The following TREH variants were observed in gnomAD, a reference collection of about 807,000 sequenced individuals.
TREH encodes the protein trehalase, also known as alpha,alpha-trehalose glucohydrolase.
A neutral mutation model predicts 80.5 loss-of-function variants in TREH; 69 were observed. That is an observed-to-expected ratio of 0.86 (90% confidence interval 0.71 to 1.05). The LOEUF is 1.05. TREH is among the 50% of genes least tolerant of loss of function. The probability of loss-of-function intolerance (pLI) is 0.00; values close to 1 mark genes in which losing one functional copy is unlikely to be tolerated. For missense variants in TREH, 716 were observed against 718.8 expected, an observed-to-expected ratio of 1.00 and a Z score of 0.04; for synonymous variants, 309 against 293.5, an observed-to-expected ratio of 1.05 and a Z score of -0.54.
At chr11:118,679,505 C>T in intron 1 of TREH, 34 bp downstream of exon 1, 2 of 1,461,362 alleles carry the variant, frequency 1.4e-6, no homozygotes, top group Non-Finnish European at 9.1e-7. Flanking sequence ...CCTCTTATTG[C>T]CATCCTCCCC....
At position 118,658,100 on chromosome 11, in the gene TREH, T is replaced by C. The variant is rs1159481898; in HGVS notation, c.*189A>G. The C allele has an allele frequency of 1.3e-6, 1 of 775,588 alleles. No homozygotes were observed. The highest frequency in any genetic ancestry group is 2.0e-6 in the Non-Finnish European group (1 of 496,074). 48.0% of individuals were successfully genotyped at this position (775,588 alleles called of 1,614,324 possible). A position where few individuals can be genotyped will look rare whatever the true frequency, so the allele number is the denominator to read the frequency against. Reference sequence around the variant, plus strand: ...TAGGTCTTCCCTCCAGAGCAGGATTTCCACCCTATTCAAGGTTCCAGGAGG... The same window carrying C: ...TAGGTCTTCCCTCCAGAGCAGGATTCCCACCCTATTCAAGGTTCCAGGAGG... On this transcript the variant is annotated 3_prime_UTR_variant, in exon 15 of 15. Coordinates refer to ENST00000264029, the MANE Select transcript of TREH (RefSeq NM_007180.3).
intron 1 of TREH, among the ~76,000 whole-genome samples, chr11:118,673,703 C>A (rs2137285294): frequency 6.6e-6 from 1 of 152,316 alleles, no homozygotes; most frequent in African/African-American, 2.4e-5. Context: ...GTTGTGATTT[C>A]CATATAGACA....
At chr11:118,659,067 C>A in intron 12 of TREH, 50 bp from the exon 13 acceptor site, 1 of 1,564,188 alleles carries the variant, frequency 6.4e-7, no homozygotes, top group Non-Finnish European at 8.8e-7. Context: ...CCATCCCAGA[C>A]AGAGCAGTGG....
chr11:118,660,865 CCTT>C lies in TREH; in HGVS notation c.905_907del (p.Glu302del), dbSNP rs1555144817. 1.3e-6 allele frequency: 2 copies of C among 1,567,094 alleles called. No individual in the cohort carries two copies. Among genetic ancestry groups the C allele is most frequent in the East Asian group, 4.7e-5 (2 of 42,238 alleles). On this transcript the variant is annotated inframe_deletion and splice_region_variant, in exon 9 of 15. Transcript: ENST00000264029. ...CCCTCCCTCACCCTCCTGCTGCTCA[CCTT>C]CTGGCAAGGTGTCAGCCAACTCCAC...
At chr11:118,665,101 CTG>C (rs1455719039) in intron 1 of TREH, among the ~76,000 whole-genome samples, 1 of 150,354 alleles carries the variant, frequency 6.7e-6, no homozygotes, top group Admixed American at 6.6e-5. Flanking sequence ...AAAAGCAAGA[CTG>C]TGTCTTTAAA....
Position 118,661,595 on chromosome 11 carries a change from C to T in TREH, c.617+42G>A, listed in dbSNP as rs1555144989. 1.2e-6 allele frequency: 2 copies of T among 1,613,682 alleles called. No homozygotes were observed. Among genetic ancestry groups the T allele is most frequent in the Admixed American group, 1.7e-5 (1 of 60,022 alleles). On this transcript the variant is annotated intron_variant, in intron 6 of 14. Coordinates refer to ENST00000264029, the MANE Select transcript of TREH (RefSeq NM_007180.3). The surrounding 1 kb of genome is among the most constrained non-coding windows in gnomAD (Gnocchi z 4.2). Reference sequence around the variant, plus strand: ...AGCTGCATGCCCGTGGCACACCTGCCTCTCCTCCCCACCTAGGCTGGAGGT... The same window carrying T: ...AGCTGCATGCCCGTGGCACACCTGCTTCTCCTCCCCACCTAGGCTGGAGGT...
At chr11:118,676,538 T>C (rs1221740535) in intron 1 of TREH, among the ~76,000 whole-genome samples, 1 of 143,032 alleles carries the variant, frequency 7.0e-6, no homozygotes, top group African/African-American at 2.6e-5. Context: ...GAGGCCAAGG[T>C]GGGTGGATTG....
Position 118,661,773 on chromosome 11 carries a change from G to C in TREH, c.525-44C>G, listed in dbSNP as rs373404141. 2.6e-4 allele frequency: 418 copies of C among 1,609,482 alleles called. No homozygotes were observed. The highest frequency in any genetic ancestry group is 1.7e-3 in the Middle Eastern group (10 of 6,046). On this transcript the variant is annotated intron_variant, in intron 5 of 14. Transcript: ENST00000264029. This position sits in a 1 kb window ranked among gnomAD's most constrained non-coding sequence, Gnocchi z 4.2. Reference sequence around the variant, plus strand: ...AGGCACCACCCTGCTGCCTCCCTCTGCCCTGCACACCAGCCAGTGGGGCAC... The same window carrying C: ...AGGCACCACCCTGCTGCCTCCCTCTCCCCTGCACACCAGCCAGTGGGGCAC...
intron 1 of TREH, among the ~76,000 whole-genome samples, chr11:118,678,795 C>T (rs1838932002): frequency 6.6e-6 from 1 of 151,928 alleles, no homozygotes; most frequent in Non-Finnish European, 1.5e-5. Flanking sequence ...TCACTCATCT[C>T]TGTCCCTGGT....
chr11:118,666,571 CAG>C (rs1281475392), intron 1 of TREH, among the ~76,000 whole-genome samples: 5 of 152,192 alleles, frequency 3.3e-5, no homozygotes, highest in African/African-American at 1.2e-4. Flanking sequence ...AGCAATGCGC[CAG>C]AGACTTTTGA....
rs1949265592 is a variant in TREH at position 118,658,912 on chromosome 11, T to C, written c.1538A>G (p.Tyr513Cys). Residue 513 changes from tyrosine to cysteine, a missense_variant, in exon 13 of 15, where the codon TAT becomes TGT. Coordinates refer to ENST00000264029, the MANE Select transcript of TREH (RefSeq NM_007180.3). ...FDVYSQKSAM[Y>C]EKYDVSNGGQ... is the part of the protein sequence containing the mutation. ...GGGCTTGGGCCAGCTCACCTTCTCATACATGGCTGACTTCTGCGAGTAGAC... is the reference window on the plus strand; with the variant it reads ...GGGCTTGGGCCAGCTCACCTTCTCACACATGGCTGACTTCTGCGAGTAGAC... 3.1e-6 allele frequency: 5 copies of C among 1,613,816 alleles called. No individual in the cohort carries two copies. Among genetic ancestry groups the C allele is most frequent in the South Asian group, 1.1e-5 (1 of 91,088 alleles).
chr11:118,659,893 A>C lies in TREH; in HGVS notation c.1174T>G (p.Trp392Gly). 3.2e-6 allele frequency: 5 copies of C among 1,551,704 alleles called. No homozygotes were observed. Among genetic ancestry groups the C allele is most frequent in the East Asian group, 2.4e-5 (1 of 40,922 alleles). ...AACCAGGCTCCGGTCTGCTCATCCCACAGGACTGTGTTCAGGGCGGCCAAG... is the reference window on the plus strand; with the variant it reads ...AACCAGGCTCCGGTCTGCTCATCCCCCAGGACTGTGTTCAGGGCGGCCAAG... ...QRLAALNTVL[W>G]DEQTGAWFDY... The change falls in exon 11 of 15, where the codon TGG becomes GGG. Residue 392 changes from tryptophan to glycine, a missense_variant. Trp to Gly is a radical substitution (Grantham distance 184). Coordinates refer to ENST00000264029, the MANE Select transcript of TREH (RefSeq NM_007180.3).
Position 118,659,898 on chromosome 11 carries a change from AC to A in TREH, c.1168del (p.Val390SerfsTer47). ...RSQRLAALNT[V>X]LWDEQTGAWF... Reference sequence around the variant, plus strand: ...GGCTCCGGTCTGCTCATCCCACAGGACTGTGTTCAGGGCGGCCAAGCGCTGC... The same window carrying A: ...GGCTCCGGTCTGCTCATCCCACAGGATGTGTTCAGGGCGGCCAAGCGCTGC... On this transcript the variant is annotated frameshift_variant, in exon 11 of 15. Transcript: ENST00000264029. LOFTEE classifies it high-confidence loss of function. The A allele has an allele frequency of 6.4e-7, 1 of 1,551,734 alleles. No individual in the cohort carries two copies. Among genetic ancestry groups the A allele is most frequent in the South Asian group, 1.2e-5 (1 of 84,074 alleles).
intron 4 of TREH, chr11:118,662,667 C>T: frequency 1.7e-6 from 1 of 573,568 alleles, no homozygotes; most frequent in Admixed American, 3.2e-5. Context: ...GGCTAGGGAG[C>T]CTTCCTGGAG....
intron 1 of TREH, among the ~76,000 whole-genome samples, chr11:118,664,743 A>C (rs949579026): frequency 6.6e-6 from 1 of 152,156 alleles, no homozygotes; most frequent in Non-Finnish European, 1.5e-5. Flanking sequence ...TGGAAAAGAG[A>C]GTCGAAACAT....
In TREH at chr11:118,657,539, C is replaced by G. The variant is rs1196274679; in HGVS notation, c.*750G>C. 1 of 152,826 alleles carries G rather than the reference C, an allele frequency of 6.5e-6. No homozygotes were observed. Among genetic ancestry groups the G allele is most frequent in the African/African-American group, 2.4e-5 (1 of 41,438 alleles). The allele number at this position is 152,826 out of a possible 1,614,324, so 9.5% of individuals were successfully genotyped here. A position where few individuals can be genotyped will look rare whatever the true frequency, so the allele number is the denominator to read the frequency against. ...GGGACTGAATACCTTTTTCCTTCCC[C>G]CTGCCTGTGTCTTCAGCCCTGATGC... is the stretch of plus-strand genomic sequence containing the variant. On this transcript the variant is annotated 3_prime_UTR_variant, in exon 15 of 15. Coordinates refer to ENST00000264029, the MANE Select transcript of TREH (RefSeq NM_007180.3).
chr11:118,662,212 T>C (rs2137265577), intron 4 of TREH, among the ~76,000 whole-genome samples: 1 of 138,462 alleles, frequency 7.2e-6, no homozygotes, highest in East Asian at 2.4e-4. Flanking sequence ...CAGCTCAACT[T>C]GGTGCCGGGT....
At chr11:118,659,056 C>G in intron 12 of TREH, 39 bp from the exon 13 acceptor site, 1 of 1,591,766 alleles carries the variant, frequency 6.3e-7, no homozygotes. Context: ...CTCCAGGTCT[C>G]CCATCCCAGA....
intron 1 of TREH, among the ~76,000 whole-genome samples, chr11:118,677,831 C>T (rs953647403): frequency 6.6e-6 from 1 of 152,208 alleles, no homozygotes; most frequent in Non-Finnish European, 1.5e-5. Flanking sequence ...GTCATCTTCC[C>T]CTACATTTGG....
Sources: gnomAD v4.1 joint callset for allele counts (sites outside exome capture counted in the v4.1 genomes callset) on GRCh38, gnomAD v4.1.1 for gene constraint, Gnocchi (gnomAD v3.1) non-coding constraint, MANE v1.5 for transcripts, NCBI Gene and HGNC (gene_info 2026-07-23, HGNC 2026-07-21) for gene names.